Variants in ABCA5 observed in about 807,000 individuals in gnomAD.
ABCA5 encodes the protein cholesterol transporter ABCA5.
ABCA5 carries 163 observed loss-of-function variants against 206.0 expected under a neutral mutation model. The ratio of observed to expected loss-of-function variants is 0.79; its 90% CI spans 0.70 to 0.90. The LOEUF is 0.90. ABCA5 is among the 40% of genes least tolerant of loss of function. The probability of loss-of-function intolerance (pLI) is 0.00; values close to 1 mark genes in which losing one functional copy is unlikely to be tolerated. For missense variants in ABCA5, 1,859 were observed against 1,912.9 expected, an observed-to-expected ratio of 0.97 and a Z score of 0.53; for synonymous variants, 609 against 613.8, an observed-to-expected ratio of 0.99 and a Z score of 0.11.
chr17:69,319,068 A>C, intron 1 of ABCA5: 1 of 325,110 alleles, frequency 3.1e-6, no homozygotes, highest in South Asian at 4.1e-5. Flanking sequence ...AGACTCTGTT[A>C]AATAAACTTC....
chr17:69,311,351 T>G (rs964021986), intron 3 of ABCA5, among the ~76,000 whole-genome samples: 3 of 152,208 alleles, frequency 2.0e-5, no homozygotes, highest in Non-Finnish European at 4.4e-5. Context: ...TCATGTTATG[T>G]ATGTATGCAT....
chr17:69,269,672 T>C (rs1008819612), intron 22 of ABCA5, among the ~76,000 whole-genome samples: 1 of 152,172 alleles, frequency 6.6e-6, no homozygotes, highest in African/African-American at 2.4e-5. Flanking sequence ...AACAGATAAG[T>C]AGAATGCAGT....
At chr17:69,284,948 G>A (rs577950048) in intron 17 of ABCA5, among the ~76,000 whole-genome samples, 4 of 152,188 alleles carry the variant, frequency 2.6e-5, no homozygotes, top group East Asian at 3.8e-4. Flanking sequence ...TCAAAGAAAT[G>A]TAAGAGTCAA....
intron 18 of ABCA5, among the ~76,000 whole-genome samples, chr17:69,280,051 A>G (rs566336106): frequency 6.6e-6 from 1 of 152,326 alleles, no homozygotes; most frequent in African/African-American, 2.4e-5. Context: ...ATTAAACTAA[A>G]GAGCTTCTGC....
At chr17:69,273,324 T>C (rs2075293221) in intron 20 of ABCA5, among the ~76,000 whole-genome samples, 1 of 151,728 alleles carries the variant, frequency 6.6e-6, no homozygotes, top group African/African-American at 2.4e-5. Context: ...GTAAAGAGGG[T>C]TTTTCAACTT....
chr17:69,325,226 T>A (rs1467152907), intron 1 of ABCA5, among the ~76,000 whole-genome samples: 3 of 151,744 alleles, frequency 2.0e-5, no homozygotes, highest in African/African-American at 7.3e-5. Context: ...GGAGGATCAC[T>A]TGAGCCTGCG....
At position 69,313,390 on chromosome 17, in the gene ABCA5, C is replaced by T. The variant is rs2075788600; in HGVS notation, c.103-94G>A. Reference sequence around the variant, plus strand: ...CAAATAATATAATACTAAGAAAAAACAGGAAATTTGGTTGTCCTTTCTTAT... The same window carrying T: ...CAAATAATATAATACTAAGAAAAAATAGGAAATTTGGTTGTCCTTTCTTAT... On this transcript the variant is annotated intron_variant, in intron 2 of 38. Coordinates refer to ENST00000392676, the MANE Select transcript of ABCA5 (RefSeq NM_172232.4). 1.2e-5 allele frequency: 7 copies of T among 572,792 alleles called. No individual in the cohort carries two copies. The South Asian group carries it at 2.1e-4, about 17-fold the overall frequency. 35.5% of individuals were successfully genotyped at this position (572,792 alleles called of 1,614,324 possible).
Position 69,261,398 on chromosome 17 carries a change from G to A in ABCA5, c.3430-139C>T. 5.0e-6 allele frequency: 4 copies of A among 798,486 alleles called. No individual in the cohort carries two copies. In the South Asian group the frequency reaches 6.3e-5, roughly 13 times the overall value. The allele number at this position is 798,486 out of a possible 1,614,324, so 49.5% of individuals were successfully genotyped here. ...ATGATATTTAGCCAGCAAGCAACAA[G>A]AATACCACTTGTTTGTAGCTAGTAT... On this transcript the variant is annotated intron_variant, in intron 25 of 38. Transcript: ENST00000392676.
rs115052249 is a variant in ABCA5 at position 69,293,931 on chromosome 17, T to C, written c.1495+724A>G. ...TTGGTTCTGGGGACTGACTAACACA[T>C]TGACACAATGCTAAACATTCTACAT... On this transcript the variant is annotated intron_variant, in intron 11 of 38. Transcript: ENST00000392676. 5.5e-3 allele frequency among the ~76,000 whole-genome samples: 832 copies of C among 150,384 alleles called. 6 individuals carry two copies. Among genetic ancestry groups the C allele is most frequent in the African/African-American group, 0.019 (794 of 40,984 alleles).
intron 13 of ABCA5, 114 bp downstream of exon 13, chr17:69,289,748 G>T: frequency 1.3e-6 from 1 of 789,488 alleles, no homozygotes; most frequent in Non-Finnish European, 1.9e-6. Context: ...CTGTTTGCTG[G>T]CTCAGAACAA....
chr17:69,324,787 A>T (rs909729592), intron 1 of ABCA5, among the ~76,000 whole-genome samples: 19 of 152,340 alleles, frequency 1.2e-4, no homozygotes, highest in African/African-American at 4.6e-4. Flanking sequence ...TACAACTCTG[A>T]AACACAAGAA....
intron 7 of ABCA5, 65 bp downstream of exon 7, chr17:69,304,604 A>C (rs1001290936): frequency 3.8e-6 from 5 of 1,331,362 alleles, no homozygotes; most frequent in Non-Finnish European, 4.9e-6. Flanking sequence ...CTGAAGAAAA[A>C]GACTTTGCTA....
In ABCA5 at chr17:69,303,826, GTA is replaced by G. The variant is rs370723233; in HGVS notation, c.930+841_930+842del. On this transcript the variant is annotated intron_variant, in intron 7 of 38. Coordinates refer to ENST00000392676, the MANE Select transcript of ABCA5 (RefSeq NM_172232.4). Reference sequence around the variant, plus strand: ...TATATATACATACATATATATATATGTATATATATATATACATACATATATAT... The same window carrying G: ...TATATATACATACATATATATATATGTATATATATATACATACATATATAT... 1.5e-3 allele frequency among the ~76,000 whole-genome samples: 8 copies of G among 5,452 alleles called. 2 individuals are homozygous for G. The highest frequency in any genetic ancestry group is 2.5e-3 in the African/African-American group (8 of 3,250). The allele number at this position is 5,452 out of a possible 152,430, so 3.6% of individuals were successfully genotyped here. A position where few individuals can be genotyped will look rare whatever the true frequency, so the allele number is the denominator to read the frequency against.
chr17:69,267,344 G>A (rs1046107808), intron 23 of ABCA5, among the ~76,000 whole-genome samples: 5 of 152,080 alleles, frequency 3.3e-5, no homozygotes, highest in African/African-American at 1.2e-4. Flanking sequence ...AAAGTGGGAG[G>A]CTTTGAACAA....
At position 69,273,303 on chromosome 17, in the gene ABCA5, TACA is replaced by T. The variant is rs2075292901; in HGVS notation, c.2764+653_2764+655del. On this transcript the variant is annotated intron_variant, in intron 20 of 38. Coordinates refer to ENST00000392676, the MANE Select transcript of ABCA5 (RefSeq NM_172232.4). ...ACATACCTGTATAAATATTATGTAC[TACA>T]ACTCTTTGTAAAGAGGGTTTTTCAA... Among the ~76,000 whole-genome samples the T allele has an allele frequency of 2.0e-5, 3 of 152,040 alleles. No homozygotes were observed. In the South Asian group the frequency reaches 6.2e-4, roughly 31 times the overall value.
chr17:69,256,007 C>A (rs1315055499), intron 29 of ABCA5, 150 bp downstream of exon 29: 2 of 1,194,086 alleles, frequency 1.7e-6, no homozygotes, highest in African/African-American at 3.1e-5. Context: ...CTGGCTTATT[C>A]AAAAGTAAGT....
chr17:69,314,621 C>T lies in ABCA5; in HGVS notation c.-15-191G>A, dbSNP rs2075799060. 5 of 491,066 alleles carry T rather than the reference C, an allele frequency of 1.0e-5. 1 individual carries two copies. The South Asian group carries it at 1.6e-4, about 16-fold the overall frequency. The allele number at this position is 491,066 out of a possible 1,614,324, so 30.4% of individuals were successfully genotyped here. ...TGTCAGCTCTGAAAAGTAAACAAGGCATGTGAAATAGGGTAGACCAGAATT... is the reference window on the plus strand; with the variant it reads ...TGTCAGCTCTGAAAAGTAAACAAGGTATGTGAAATAGGGTAGACCAGAATT... On this transcript the variant is annotated intron_variant, in intron 1 of 38. Coordinates refer to ENST00000392676, the MANE Select transcript of ABCA5 (RefSeq NM_172232.4).
intron 36 of ABCA5, 98 bp from the exon 37 acceptor site, chr17:69,250,082 A>C: frequency 1.2e-6 from 1 of 807,310 alleles, no homozygotes; most frequent in Non-Finnish European, 1.8e-6. Flanking sequence ...ATTAAATTCA[A>C]TAACTTATTT....
At chr17:69,312,318 T>C (rs2075778239) in intron 3 of ABCA5, among the ~76,000 whole-genome samples, 1 of 152,132 alleles carries the variant, frequency 6.6e-6, no homozygotes, top group African/African-American at 2.4e-5. Flanking sequence ...GGTGGCACTT[T>C]AGGTGGAGGC....
Sources: gnomAD v4.1 joint callset for allele counts (sites outside exome capture counted in the v4.1 genomes callset) on GRCh38, gnomAD v4.1.1 for gene constraint, MANE v1.5 for transcripts, NCBI Gene and HGNC (gene_info 2026-07-23, HGNC 2026-07-21) for gene names.